CEP83: variants seen among roughly 807,000 people sequenced by gnomAD.
The protein encoded by CEP83 is centrosomal protein 83.
In CEP83, 70 loss-of-function variants were observed where a neutral mutation model predicts 101.9. That is an observed-to-expected ratio of 0.69 (90% CI 0.57 to 0.84). The LOEUF is 0.84. CEP83 is among the 40% of genes least tolerant of loss of function. The pLI, the probability that CEP83 is intolerant of heterozygous loss-of-function variation, is 0.00. For missense variants in CEP83, 715 were observed against 787.2 expected, an observed-to-expected ratio of 0.91 and a Z score of 1.10; for synonymous variants, 264 against 267.9, an observed-to-expected ratio of 0.99 and a Z score of 0.14.
chr12:94,450,657 A>G (rs2067184546), intron 1 of CEP83, among the ~76,000 whole-genome samples: 1 of 152,220 alleles, frequency 6.6e-6, no homozygotes, highest in African/African-American at 2.4e-5. Flanking sequence ...ATTTAACCAA[A>G]TAAGTGCACG....
At chr12:94,279,419 C>T in the CEP83 span, 3 of 1,521,328 alleles carry the variant, frequency 2.0e-6, no homozygotes, top group Admixed American at 3.7e-5. Context: ...TATGAAATGC[C>T]TTTCAGATTG....
Position 94,325,860 on chromosome 12 carries a change from A to G in CEP83, c.1707+5840T>C, listed in dbSNP as rs564667294. Among the ~76,000 whole-genome samples, 3 of 152,306 alleles carry G rather than the reference A, an allele frequency of 2.0e-5. No individual in the cohort carries two copies. In the East Asian group the frequency reaches 5.8e-4, roughly 29 times the overall value. Reference sequence around the variant, plus strand: ...CCCAGAATGTGACTGTGGTATAAGAAGAAATATATTTGGTCTTTGTACCCA... The same window carrying G: ...CCCAGAATGTGACTGTGGTATAAGAGGAAATATATTTGGTCTTTGTACCCA... On this transcript the variant is annotated intron_variant, in intron 14 of 16. Transcript: ENST00000397809.
chr12:94,348,199 A>T (rs977469782), intron 11 of CEP83, among the ~76,000 whole-genome samples: 8 of 152,036 alleles, frequency 5.3e-5, no homozygotes, highest in African/African-American at 1.9e-4. Flanking sequence ...ACAAAGGGGA[A>T]ATAAGCATTG....
intron 8 of CEP83, 130 bp downstream of exon 8, chr12:94,375,756 T>C (rs2061500719): frequency 6.1e-6 from 3 of 489,404 alleles, no homozygotes; most frequent in Non-Finnish European, 1.0e-5. Flanking sequence ...ATCAATGTAT[T>C]TATTTCTTAG....
intron 2 of CEP83, among the ~76,000 whole-genome samples, chr12:94,430,546 T>C (rs553441719): frequency 5.3e-5 from 8 of 151,882 alleles, no homozygotes; most frequent in African/African-American, 1.7e-4. Flanking sequence ...AACCTGAAGA[T>C]AGGTCTTTCA....
downstream of CEP83, chr12:94,305,545 C>T (rs1968917100): frequency 9.9e-6 from 4 of 404,168 alleles, no homozygotes; most frequent in South Asian, 4.2e-5. Flanking sequence ...ACAGAGAATA[C>T]AAGGCCAGTA....
Position 94,368,154 on chromosome 12 carries a change from T to C in CEP83, c.1096A>G (p.Lys366Glu), listed in dbSNP as rs760295857. 7 of 1,612,960 alleles carry C rather than the reference T, an allele frequency of 4.3e-6. No individual in the cohort carries two copies. In the Middle Eastern group the frequency reaches 4.9e-4, roughly 114 times the overall value. ...EILKAAVEHH[K>E]VLLVEKDREL... The stretch of plus-strand genomic sequence containing the variant: ...CGATCCTTTTCTACTAAGAGCACTT[T>C]GTGATGTTCAACAGCTGCTTTGAGA... The change falls in exon 10 of 17, where the codon AAA becomes GAA. Residue 366 changes from lysine (K) to glutamate (E), a missense_variant. Physicochemically the swap from Lys to Glu is moderately conservative, Grantham distance 56. Coordinates refer to ENST00000397809, the MANE Select transcript of CEP83 (RefSeq NM_016122.3).
At chr12:94,419,104 A>T (rs568853057) in intron 2 of CEP83, among the ~76,000 whole-genome samples, 135 of 152,220 alleles carry the variant, frequency 8.9e-4, no homozygotes, top group African/African-American at 3.2e-3. Flanking sequence ...TATGTAGAAA[A>T]TCTAAACAAA....
downstream of CEP83, chr12:94,306,300 T>C (rs769581490): frequency 2.6e-5 from 4 of 152,108 alleles, no homozygotes; most frequent in South Asian, 2.1e-4. Flanking sequence ...AATATATATA[T>C]TTGAGGCCCA....
intron 1 of CEP83, among the ~76,000 whole-genome samples, chr12:94,447,279 CA>C (rs2066880248): frequency 6.6e-6 from 1 of 152,098 alleles, no homozygotes; most frequent in Non-Finnish European, 1.5e-5. Context: ...TTTGAGAGGC[CA>C]AGGTGGGTGG....
At chr12:94,282,436 C>T in the CEP83 span, 7 of 1,336,234 alleles carry the variant, frequency 5.2e-6, no homozygotes, top group Admixed American at 1.7e-5. Flanking sequence ...TCTCCTTCCT[C>T]ATCCCCAATC....
intron 11 of CEP83, among the ~76,000 whole-genome samples, chr12:94,351,448 C>T (rs1257606373): frequency 2.0e-5 from 3 of 152,182 alleles, no homozygotes; most frequent in Non-Finnish European, 1.5e-5. Flanking sequence ...TTCAACAGAC[C>T]TGGTATTTCC....
At chr12:94,301,079 T>A in the CEP83 span, 1 of 1,611,014 alleles carries the variant, frequency 6.2e-7, no homozygotes, top group Non-Finnish European at 8.5e-7. Flanking sequence ...CTTGAGTATT[T>A]CTTGTATGCA....
At chr12:94,349,285 CAAAAAAAAAAAAAAAAA>C (rs1187053875) in intron 11 of CEP83, among the ~76,000 whole-genome samples, 1 of 73,468 alleles carries the variant, frequency 1.4e-5, no homozygotes, top group Non-Finnish European at 3.2e-5. Context: ...GACTCTGTCT[CAAAAAAAAAAAAAAAAA>C]GAAAAAAAGT....
chr12:94,317,571 T>C (rs1303376071), intron 14 of CEP83, among the ~76,000 whole-genome samples: 2 of 152,102 alleles, frequency 1.3e-5, no homozygotes, highest in African/African-American at 4.8e-5. Context: ...TCTTTAATCC[T>C]TCTTGAGTTG....
chr12:94,427,012 T>C (rs1476342998), intron 2 of CEP83, among the ~76,000 whole-genome samples: 1 of 152,248 alleles, frequency 6.6e-6, no homozygotes. Context: ...ACCTATTATA[T>C]GGTAATTTGT....
At chr12:94,409,262 A>G (rs2063734549) in intron 4 of CEP83, among the ~76,000 whole-genome samples, 1 of 152,056 alleles carries the variant, frequency 6.6e-6, no homozygotes. Context: ...TGCCAAATAA[A>G]TATCACACAG....
At position 94,428,312 on chromosome 12, in the gene CEP83, G is replaced by A. The variant is rs142067958; in HGVS notation, c.-102+6963C>T. ...ACAATAACATGGGGACTTTCCAGAAGATTTATGAGCACTTAGCACCTCTGT... is the reference window on the plus strand; with the variant it reads ...ACAATAACATGGGGACTTTCCAGAAAATTTATGAGCACTTAGCACCTCTGT... On this transcript the variant is annotated intron_variant, in intron 2 of 16. Transcript: ENST00000397809. Among the ~76,000 whole-genome samples the A allele has an allele frequency of 4.3e-3, 653 of 152,294 alleles. 7 individuals carry two copies. The highest frequency in any genetic ancestry group is 0.015 in the African/African-American group (621 of 41,576).
At chr12:94,359,406 G>T (rs1420229958) in intron 11 of CEP83, among the ~76,000 whole-genome samples, 1 of 152,170 alleles carries the variant, frequency 6.6e-6, no homozygotes, top group African/African-American at 2.4e-5. Context: ...AACTAAAAGT[G>T]AGAAGACCCA....
Sources: allele counts gnomAD v4.1 joint callset (sites outside exome capture counted in the v4.1 genomes callset), GRCh38; gene constraint gnomAD v4.1.1; transcripts MANE v1.5; gene names NCBI Gene and HGNC (gene_info 2026-07-23, HGNC 2026-07-21).